FNDC1: variants seen among roughly 807,000 people sequenced by gnomAD.
FNDC1 encodes the protein fibronectin type III domain containing 1.
FNDC1 carries 96 observed loss-of-function variants against 168.0 expected under a neutral mutation model. The ratio of observed to expected loss-of-function variants is 0.57; its 90% CI spans 0.48 to 0.68. The LOEUF (loss-of-function observed/expected upper bound fraction) is 0.68, where lower values mean the gene tolerates loss of function less well. Among genes scored for constraint, FNDC1 ranks in the 30% least tolerant of loss-of-function variants. The pLI, the probability that FNDC1 is intolerant of heterozygous loss-of-function variation, is 0.00. For synonymous variants in FNDC1, 1,099 were observed against 1,025.9 expected, an observed-to-expected ratio of 1.07 and a Z score of -1.36; for missense variants, 2,587 against 2,482.1, an observed-to-expected ratio of 1.04 and a Z score of -0.90.
At chr6:159,252,422 G>A (rs1330778958) in intron 17 of FNDC1, among the ~76,000 whole-genome samples, 2 of 152,174 alleles carry the variant, frequency 1.3e-5, no homozygotes, top group Non-Finnish European at 2.9e-5. Context: ...ATGAAAAAAT[G>A]TGTCCAAGAA....
intron 4 of FNDC1, among the ~76,000 whole-genome samples, chr6:159,206,988 C>T (rs1223850143): frequency 6.6e-6 from 1 of 152,144 alleles, no homozygotes; most frequent in Non-Finnish European, 1.5e-5. Flanking sequence ...TTGTAGAGCC[C>T]ATTCTTTAGG....
intron 1 of FNDC1, among the ~76,000 whole-genome samples, chr6:159,176,211 G>C (rs1781757544): frequency 6.6e-6 from 1 of 152,198 alleles, no homozygotes; most frequent in African/African-American, 2.4e-5. Context: ...GATTGACCTA[G>C]ATATTGTGAA....
At chr6:159,225,065 T>C (rs896143506) in intron 7 of FNDC1, among the ~76,000 whole-genome samples, 2 of 152,208 alleles carry the variant, frequency 1.3e-5, no homozygotes, top group African/African-American at 2.4e-5. Flanking sequence ...CCTGAACCTA[T>C]GGAAAACATG....
intron 16 of FNDC1, among the ~76,000 whole-genome samples, chr6:159,250,985 A>T (rs1777245863): frequency 6.6e-6 from 1 of 152,236 alleles, no homozygotes; most frequent in Non-Finnish European, 1.5e-5. Flanking sequence ...TGTGGGGCAC[A>T]GGAATGGCAG....
chr6:159,193,750 C>T (rs1782186371), intron 1 of FNDC1, among the ~76,000 whole-genome samples: 1 of 152,136 alleles, frequency 6.6e-6, no homozygotes, highest in Non-Finnish European at 1.5e-5. Context: ...ATACTTTGAC[C>T]CTTGAACCAA....
rs371105010 is a variant in FNDC1 at position 159,221,601 on chromosome 6, C to T, written c.671C>T (p.Ser224Leu). ...TCCCTCACTCCCTGGTCCACAGCCT[C>T]GGAATCCGTGTATGTGGTCTCCCTG... ...ERTHEIKKLA[S>L]ESVYVVSLQS... Residue 224 changes from serine to leucine, a missense_variant, in exon 6 of 23, where the codon TCG becomes TTG. Ser to Leu is a moderately radical substitution (Grantham distance 145). Transcript: ENST00000297267. 9.9e-6 allele frequency: 16 copies of T among 1,613,616 alleles called. No individual in the cohort carries two copies. Among genetic ancestry groups the T allele is most frequent in the Middle Eastern group, 3.3e-4 (2 of 6,084 alleles).
chr6:159,246,886 C>G lies in FNDC1; in HGVS notation c.4622-15C>G, dbSNP rs1464751720. On this transcript the variant is annotated splice_polypyrimidine_tract_variant and intron_variant, in intron 14 of 22. Coordinates refer to ENST00000297267, the MANE Select transcript of FNDC1 (RefSeq NM_032532.3). ...GGAGCGCTGGATGACTGGTCCTTTT[C>G]TCTGTCCTCACTAGATGAGTTCTCA... 15 of 1,601,838 alleles carry G rather than the reference C, an allele frequency of 9.4e-6. No individual in the cohort carries two copies. The highest frequency in any genetic ancestry group is 1.2e-5 in the Non-Finnish European group (14 of 1,168,824).
chr6:159,196,574 T>A (rs1268427542), intron 1 of FNDC1, among the ~76,000 whole-genome samples: 3 of 152,224 alleles, frequency 2.0e-5, no homozygotes, highest in Admixed American at 6.5e-5. Context: ...GGTTTTGTTT[T>A]TAGGTTACTT....
At position 159,249,072 on chromosome 6, in the gene FNDC1, C is replaced by T; in HGVS notation, c.4724C>T (p.Thr1575Ile). The T allele has an allele frequency of 1.2e-6, 2 of 1,603,868 alleles. No homozygotes were observed. Among genetic ancestry groups the T allele is most frequent in the Non-Finnish European group, 1.7e-6 (2 of 1,175,060 alleles). The change falls in exon 16 of 23, where the codon ACC becomes ATC. Residue 1575 changes from threonine (T) to isoleucine (I), a missense_variant. Transcript: ENST00000297267. ...YEFETSRPPT[T>I]TEPSTTATTP... ...TTTGAGACGTCAAGGCCACCAACCA[C>T]CACTGAGCCTTCGACCACTGCTACC...
intron 1 of FNDC1, among the ~76,000 whole-genome samples, chr6:159,180,359 A>C (rs981188413): frequency 6.6e-6 from 1 of 152,240 alleles, no homozygotes; most frequent in African/African-American, 2.4e-5. Context: ...CAATAAGGTC[A>C]CATTCACAAA....
At chr6:159,179,551 T>G (rs1205361930) in intron 1 of FNDC1, among the ~76,000 whole-genome samples, 2 of 152,170 alleles carry the variant, frequency 1.3e-5, no homozygotes, top group Non-Finnish European at 2.9e-5. Flanking sequence ...CTTCTGGACT[T>G]CTCCCTGCCT....
At chr6:159,227,858 A>G (rs1194555594) in intron 9 of FNDC1, among the ~76,000 whole-genome samples, 1 of 152,144 alleles carries the variant, frequency 6.6e-6, no homozygotes, top group Non-Finnish European at 1.5e-5. Context: ...TATTTTACGA[A>G]AGTTTATGAA....
chr6:159,190,250 A>G (rs1782105255), intron 1 of FNDC1, among the ~76,000 whole-genome samples: 1 of 152,170 alleles, frequency 6.6e-6, no homozygotes, highest in Non-Finnish European at 1.5e-5. Flanking sequence ...TTCCAAGGAG[A>G]GGAACTGTGG....
rs1280284738 is a variant in FNDC1 at position 159,251,404 on chromosome 6, A to G, written c.4937A>G (p.Asn1646Ser). 7.4e-6 allele frequency: 12 copies of G among 1,613,832 alleles called. No homozygotes were observed. Among genetic ancestry groups the G allele is most frequent in the South Asian group, 4.4e-5 (4 of 91,072 alleles). ...QVDSLDEIIP[N>S]DLKKSDLPPQ... ...GACAGCCTGGATGAAATCATCCCCAATGACCTGAAGAAGAGTGACCTGCCT... is the reference window on the plus strand; with the variant it reads ...GACAGCCTGGATGAAATCATCCCCAGTGACCTGAAGAAGAGTGACCTGCCT... Residue 1646 changes from asparagine (N) to serine (S), a missense_variant, in exon 17 of 23, where the codon AAT (asparagine) becomes AGT (serine). Coordinates refer to ENST00000297267, the MANE Select transcript of FNDC1 (RefSeq NM_032532.3).
chr6:159,203,626 G>A (rs1782421798), intron 4 of FNDC1, among the ~76,000 whole-genome samples: 1 of 152,208 alleles, frequency 6.6e-6, no homozygotes, highest in Non-Finnish European at 1.5e-5. Flanking sequence ...CCTCTTGCTG[G>A]GATGGAAACC....
chr6:159,243,587 T>C (rs765135374), intron 14 of FNDC1, among the ~76,000 whole-genome samples: 2 of 152,206 alleles, frequency 1.3e-5, no homozygotes, highest in Non-Finnish European at 2.9e-5. Flanking sequence ...AAAACGACTA[T>C]GGTTGATGGC....
At position 159,228,006 on chromosome 6, in the gene FNDC1, C is replaced by T. The variant is rs146720352; in HGVS notation, c.1180+1426C>T. On this transcript the variant is annotated intron_variant, in intron 9 of 22. Coordinates refer to ENST00000297267, the MANE Select transcript of FNDC1 (RefSeq NM_032532.3). ...TCTGTATTAAGTATTGTTGTGCTGC[C>T]GAGAAGACCTCTGAAAATTGAATAA... is the stretch of plus-strand genomic sequence containing the variant. Among the ~76,000 whole-genome samples the T allele has an allele frequency of 3.3e-5, 5 of 151,402 alleles. No individual in the cohort carries two copies. In the East Asian group the frequency reaches 7.8e-4, roughly 24 times the overall value.
intron 2 of FNDC1, among the ~76,000 whole-genome samples, chr6:159,199,443 A>G (rs925794325): frequency 6.6e-6 from 1 of 152,270 alleles, no homozygotes; most frequent in African/African-American, 2.4e-5. Context: ...ATGGTCAAAA[A>G]CAACATGCAG....
chr6:159,223,300 T>C (rs1482023139), intron 6 of FNDC1, among the ~76,000 whole-genome samples: 1 of 151,850 alleles, frequency 6.6e-6, no homozygotes, highest in Non-Finnish European at 1.5e-5. Flanking sequence ...CTGGCCGAAA[T>C]GCTCATTTCT....
Sources: gnomAD v4.1 joint callset for allele counts (sites outside exome capture counted in the v4.1 genomes callset) on GRCh38, gnomAD v4.1.1 for gene constraint, MANE v1.5 for transcripts, NCBI Gene and HGNC (gene_info 2026-07-23, HGNC 2026-07-21) for gene names.